Variants in DTNA observed in about 807,000 individuals in gnomAD.
DTNA encodes dystrobrevin alpha, also known as dystrophin-related protein 3.
Under a neutral mutation model 100.7 loss-of-function variants are expected in DTNA, and 43 were observed. That is an observed-to-expected ratio of 0.43 (90% CI 0.33 to 0.55). The LOEUF (loss-of-function observed/expected upper bound fraction) is 0.55. DTNA is among the 20% of genes least tolerant of loss of function. The probability of loss-of-function intolerance (pLI) is 0.04; values close to 1 mark genes in which losing one functional copy is unlikely to be tolerated. For missense variants in DTNA, 798 were observed against 953.9 expected (o/e 0.84, Z 2.15); for synonymous variants, 349 against 347.9 (o/e 1.00, Z -0.04).
In DTNA at chr18:34,794,161, G is replaced by A; in HGVS notation, c.273G>A (p.Gln91=). ...CTGTGCTCTCCACTATTTTTTACCA[G>A]CTCAACAAACGGATGCCAACCACTC... The part of the protein sequence containing the change: ...LEAVLSTIFY[Q]LNKRMPTTHQ... Residue 91 remains glutamine, a synonymous_variant, in exon 4 of 23, where the codon CAG becomes CAA. Transcript: ENST00000444659. 4.3e-6 allele frequency: 7 copies of A among 1,614,126 alleles called. No individual in the cohort carries two copies. The highest frequency in any genetic ancestry group is 5.9e-6 in the Non-Finnish European group (7 of 1,180,010).
chr18:34,660,859 A>G (rs1047422634), intron 1 of DTNA, among the ~76,000 whole-genome samples: 11 of 152,124 alleles, frequency 7.2e-5, no homozygotes, highest in African/African-American at 2.7e-4. Flanking sequence ...TGACCCAACC[A>G]GTGTACATCT....
intron 1 of DTNA, among the ~76,000 whole-genome samples, chr18:34,588,037 G>A (rs1271058746): frequency 2.6e-5 from 4 of 152,140 alleles, no homozygotes; most frequent in African/African-American, 9.7e-5. Context: ...CAGAAAGTTT[G>A]TATAGACGAG....
At chr18:34,824,618 G>A (rs879709722) in intron 9 of DTNA, among the ~76,000 whole-genome samples, 76 of 152,168 alleles carry the variant, frequency 5.0e-4, no homozygotes, top group South Asian at 6.2e-4. Flanking sequence ...ATCCAAAGGT[G>A]AGCAGCAAAA....
intron 3 of DTNA, among the ~76,000 whole-genome samples, chr18:34,779,131 A>T (rs1358125800): frequency 2.0e-5 from 3 of 152,226 alleles, no homozygotes; most frequent in African/African-American, 7.2e-5. Context: ...AGAAAAAAAC[A>T]TTCATGTAGC....
intron 2 of DTNA, among the ~76,000 whole-genome samples, chr18:34,759,702 GAC>G (rs1176250588): frequency 1.3e-5 from 2 of 152,274 alleles, no homozygotes; most frequent in East Asian, 1.9e-4. Context: ...TTTGTTTTGA[GAC>G]ACAGTTTCAC....
At chr18:34,775,239 C>A (rs950438060) in intron 3 of DTNA, among the ~76,000 whole-genome samples, 15 of 152,178 alleles carry the variant, frequency 9.9e-5, no homozygotes, top group Non-Finnish European at 1.9e-4. Context: ...GTAATCCCAG[C>A]ACTTTGGGAG....
At chr18:34,641,826 G>C (rs1047678149) in intron 1 of DTNA, among the ~76,000 whole-genome samples, 5 of 152,134 alleles carry the variant, frequency 3.3e-5, no homozygotes, top group Non-Finnish European at 4.4e-5. Context: ...TAGAGAGCAA[G>C]GATAGAAAGC....
intron 8 of DTNA, among the ~76,000 whole-genome samples, chr18:34,820,582 A>G (rs2095690084): frequency 6.6e-6 from 1 of 152,196 alleles, no homozygotes. Context: ...GCCTGCTTCC[A>G]TTTATTGTAG....
At chr18:34,790,459 A>C (rs2148968830) in intron 3 of DTNA, among the ~76,000 whole-genome samples, 1 of 140,900 alleles carries the variant, frequency 7.1e-6, no homozygotes, top group South Asian at 2.2e-4. Flanking sequence ...CACAGGGGCT[A>C]GATGAAAAAA....
intron 1 of DTNA, among the ~76,000 whole-genome samples, chr18:34,686,570 G>A (rs938987142): frequency 3.9e-5 from 6 of 152,150 alleles, no homozygotes; most frequent in African/African-American, 1.2e-4. Flanking sequence ...TTGCATCAAT[G>A]TTCATCAGGA....
chr18:34,674,235 G>A (rs1599965589), intron 1 of DTNA, among the ~76,000 whole-genome samples: 1 of 152,284 alleles, frequency 6.6e-6, no homozygotes, highest in South Asian at 2.1e-4. Context: ...TTGCCCTTCC[G>A]CAAAGGTGCC....
chr18:34,829,517 T>C (rs1157845550), intron 11 of DTNA, 28 bp downstream of exon 11: 1 of 1,493,666 alleles, frequency 6.7e-7, no homozygotes, highest in Admixed American at 2.1e-5. Context: ...GAATTGCTAA[T>C]CGTAGTAGTA....
intron 1 of DTNA, among the ~76,000 whole-genome samples, chr18:34,683,870 G>T (rs925901309): frequency 6.6e-5 from 10 of 152,190 alleles, no homozygotes; most frequent in African/African-American, 2.4e-4. Context: ...GAAGAAAAAT[G>T]CACCCATTAA....
intron 9 of DTNA, among the ~76,000 whole-genome samples, chr18:34,825,699 A>T (rs1213901483): frequency 6.6e-6 from 1 of 152,168 alleles, no homozygotes; most frequent in African/African-American, 2.4e-5. Flanking sequence ...AGAAACCTTG[A>T]TTTCAGCTTT....
chr18:34,609,268 G>T (rs186366411), intron 1 of DTNA, among the ~76,000 whole-genome samples: 2 of 132,188 alleles, frequency 1.5e-5, no homozygotes, highest in African/African-American at 3.0e-5. Flanking sequence ...TTTTTGAGAC[G>T]GAGTCTTGCT....
intron 1 of DTNA, among the ~76,000 whole-genome samples, chr18:34,523,099 A>G (rs189438882): frequency 1.2e-3 from 179 of 152,318 alleles, no homozygotes; most frequent in African/African-American, 4.2e-3. Context: ...GTCACTCTTC[A>G]CTAAAGGGGA....
At chr18:34,576,230 T>C (rs2048100776) in intron 1 of DTNA, among the ~76,000 whole-genome samples, 1 of 152,154 alleles carries the variant, frequency 6.6e-6, no homozygotes, top group Non-Finnish European at 1.5e-5. Context: ...ATGTCCTGTG[T>C]CACACAAGTG....
At chr18:34,884,328 T>G (rs2096901855) in intron 21 of DTNA, among the ~76,000 whole-genome samples, 1 of 152,198 alleles carries the variant, frequency 6.6e-6, no homozygotes, top group Admixed American at 6.5e-5. Context: ...GAATTAAAAA[T>G]GTAACCTTCT....
At chr18:34,576,809 T>C (rs1338235901) in intron 1 of DTNA, among the ~76,000 whole-genome samples, 1 of 152,152 alleles carries the variant, frequency 6.6e-6, no homozygotes, top group Admixed American at 6.5e-5. Flanking sequence ...TGAGGTTGTT[T>C]ATGACTCACT....
Sources: gnomAD v4.1 joint callset for allele counts (sites outside exome capture counted in the v4.1 genomes callset) on GRCh38, gnomAD v4.1.1 for gene constraint, MANE v1.5 for transcripts, NCBI Gene and HGNC (gene_info 2026-07-23, HGNC 2026-07-21) for gene names.